Variants in CD47 observed in about 807,000 individuals in gnomAD.
CD47 encodes CD47 molecule.
CD47 carries 11 observed loss-of-function variants against 44.6 expected under a neutral mutation model. That is an observed-to-expected ratio of 0.25 (90% CI 0.16 to 0.41). CD47 has a LOEUF of 0.41. Ranked by LOEUF, CD47 falls within the 10% of genes least tolerant of loss-of-function variation. The pLI is 1.00. For synonymous variants in CD47, 140 were observed against 136.3 expected (o/e 1.03, Z -0.19); for missense variants, 306 against 386.7 (o/e 0.79, Z 1.75).
chr3:108,046,698 A>G lies in CD47; in HGVS notation c.*590T>C, dbSNP rs540346608. 3 of 152,376 alleles carry G rather than the reference A, an allele frequency of 2.0e-5. No homozygotes were observed. Among genetic ancestry groups the G allele is most frequent in the Admixed American group, 2.0e-4 (3 of 15,300 alleles). The allele number at this position is 152,376 out of a possible 1,614,324, so 9.4% of individuals were successfully genotyped here. The stretch of plus-strand genomic sequence containing the variant: ...GCAACCCCCAAGAATGAGGACCACT[A>G]TCTCCATCAATATCACATCATACGG... On this transcript the variant is annotated 3_prime_UTR_variant, in exon 11 of 11. Coordinates refer to ENST00000361309, the MANE Select transcript of CD47 (RefSeq NM_001777.4).
At chr3:108,079,585 A>AC (rs2079376822) in intron 2 of CD47, among the ~76,000 whole-genome samples, 1 of 137,810 alleles carries the variant, frequency 7.3e-6, no homozygotes, top group Non-Finnish European at 1.7e-5. Flanking sequence ...AAAAAAAAAA[A>AC]AAAAAAAAAA....
chr3:108,059,653 T>C (rs2078977302), intron 4 of CD47, 109 bp from the exon 5 acceptor site: 2 of 479,196 alleles, frequency 4.2e-6, no homozygotes, highest in Admixed American at 4.1e-5. Context: ...TACGTTTCCC[T>C]GAAAACCTCA....
chr3:108,073,905 G>A (rs1229365865), intron 2 of CD47, among the ~76,000 whole-genome samples: 1 of 152,116 alleles, frequency 6.6e-6, no homozygotes, highest in Non-Finnish European at 1.5e-5. Context: ...GATCTAACAG[G>A]GAATTGCTCC....
intron 10 of CD47, 61 bp downstream of exon 10, chr3:108,049,554 CTTTT>C (rs1206954794): frequency 1.7e-5 from 17 of 1,015,912 alleles, no homozygotes; most frequent in Non-Finnish European, 2.5e-5. Flanking sequence ...TTTCAAGAAG[CTTTT>C]TTGTTTTCCA....
At chr3:108,050,005 A>G (rs2078798173) in intron 9 of CD47, among the ~76,000 whole-genome samples, 1 of 152,254 alleles carries the variant, frequency 6.6e-6, no homozygotes, top group African/African-American at 2.4e-5. Flanking sequence ...AACCAGTAGC[A>G]AAAGGCAACG....
At chr3:108,065,761 G>A (rs370952718) in intron 3 of CD47, among the ~76,000 whole-genome samples, 38 of 129,970 alleles carry the variant, frequency 2.9e-4, no homozygotes, top group East Asian at 1.6e-3. Flanking sequence ...GCAGTGAGCC[G>A]AGATCACGCC....
At chr3:108,050,545 TG>T in intron 9 of CD47, 32 bp downstream of exon 9, 1 of 1,080,320 alleles carries the variant, frequency 9.3e-7, no homozygotes, top group Non-Finnish European at 1.4e-6. Flanking sequence ...AATTATGATC[TG>T]GTAAAGGATT....
At chr3:108,060,124 A>G (rs1392900515) in intron 4 of CD47, among the ~76,000 whole-genome samples, 1 of 152,138 alleles carries the variant, frequency 6.6e-6, no homozygotes, top group African/African-American at 2.4e-5. Flanking sequence ...CTTGGTTCCC[A>G]CATTCATTCT....
In CD47 at chr3:108,044,996, T is replaced by C. The variant is rs2078699561; in HGVS notation, c.*2292A>G. On this transcript the variant is annotated 3_prime_UTR_variant, in exon 11 of 11. Coordinates refer to ENST00000361309, the MANE Select transcript of CD47 (RefSeq NM_001777.4). Reference sequence around the variant, plus strand: ...TTTGGGAGCCATTACAAATCTGATTTAAAGAGAAGGAACTGGCCCAATGAT... The same window carrying C: ...TTTGGGAGCCATTACAAATCTGATTCAAAGAGAAGGAACTGGCCCAATGAT... 2 of 152,590 alleles carry C rather than the reference T, an allele frequency of 1.3e-5. No individual in the cohort carries two copies. The highest frequency in any genetic ancestry group is 4.8e-5 in the African/African-American group (2 of 41,426). 9.5% of individuals were successfully genotyped at this position (152,590 alleles called of 1,614,324 possible). A position where few individuals can be genotyped will look rare whatever the true frequency, so the allele number is the denominator to read the frequency against.
intron 1 of CD47, among the ~76,000 whole-genome samples, chr3:108,085,557 C>T (rs1242444777): frequency 6.6e-6 from 1 of 152,102 alleles, no homozygotes; most frequent in Non-Finnish European, 1.5e-5. Flanking sequence ...CAATCTTGTT[C>T]CCCTTCCCTA....
At chr3:108,050,391 C>G (rs1442490361) in intron 9 of CD47, among the ~76,000 whole-genome samples, 187 bp downstream of exon 9, 1 of 152,098 alleles carries the variant, frequency 6.6e-6, no homozygotes, top group Non-Finnish European at 1.5e-5. Context: ...GCCGGGATCG[C>G]AAGCGTGAGC....
At chr3:108,052,235 A>C in intron 7 of CD47, 4 of 296,474 alleles carry the variant, frequency 1.3e-5, no homozygotes, top group South Asian at 3.5e-5. Flanking sequence ...TTTCCCCCAA[A>C]TCAGCCACTT....
intron 2 of CD47, among the ~76,000 whole-genome samples, chr3:108,073,005 A>C (rs2079236214): frequency 7.6e-6 from 1 of 130,958 alleles, no homozygotes; most frequent in African/African-American, 2.9e-5. Flanking sequence ...CCCATCCCCC[A>C]CTAAACTCCC....
chr3:108,057,087 T>C (rs2078924733), intron 7 of CD47, among the ~76,000 whole-genome samples: 1 of 152,186 alleles, frequency 6.6e-6, no homozygotes, highest in Non-Finnish European at 1.5e-5. Context: ...ACAGAAACAC[T>C]GGAACAATTA....
Position 108,088,505 on chromosome 3 carries a change from A to G in CD47, c.46+2358T>C, listed in dbSNP as rs137977117. 5.3e-3 allele frequency among the ~76,000 whole-genome samples: 811 copies of G among 152,346 alleles called. 9 individuals are homozygous for G. Among genetic ancestry groups the G allele is most frequent in the African/African-American group, 0.018 (769 of 41,574 alleles). ...TAGGCATTTACTTCCTTAAAATGGCAACTTGTAATTAAAAATAATATATTC... is the reference window on the plus strand; with the variant it reads ...TAGGCATTTACTTCCTTAAAATGGCGACTTGTAATTAAAAATAATATATTC... On this transcript the variant is annotated intron_variant, in intron 1 of 10. Coordinates refer to ENST00000361309, the MANE Select transcript of CD47 (RefSeq NM_001777.4).
At chr3:108,089,185 C>G (rs1479862658) in intron 1 of CD47, among the ~76,000 whole-genome samples, 2 of 152,146 alleles carry the variant, frequency 1.3e-5, no homozygotes, top group Non-Finnish European at 2.9e-5. Flanking sequence ...CTTAACACAA[C>G]TCAACTGCAT....
chr3:108,082,598 A>ATGGTT (rs2079439636), intron 1 of CD47, among the ~76,000 whole-genome samples: 2 of 152,096 alleles, frequency 1.3e-5, no homozygotes, highest in East Asian at 3.9e-4. Context: ...TTTGACTTTC[A>ATGGTT]AGAGATTATT....
intron 1 of CD47, among the ~76,000 whole-genome samples, chr3:108,086,735 T>G (rs575752366): frequency 6.6e-6 from 1 of 151,966 alleles, no homozygotes; most frequent in Admixed American, 6.6e-5. Flanking sequence ...GTTCTTGAGG[T>G]TTTTTGTTTT....
intron 2 of CD47, 29 bp downstream of exon 2, chr3:108,079,962 A>G (rs750494040): frequency 2.7e-6 from 4 of 1,496,836 alleles, no homozygotes; most frequent in South Asian, 1.2e-5. Flanking sequence ...CAGGACAAAT[A>G]AAAAAAGAAG....
Sources: allele counts gnomAD v4.1 joint callset (sites outside exome capture counted in the v4.1 genomes callset), GRCh38; gene constraint gnomAD v4.1.1; transcripts MANE v1.5; gene names NCBI Gene and HGNC (gene_info 2026-07-23, HGNC 2026-07-21).